Variants in FAM217A observed in about 807,000 individuals in gnomAD.
FAM217A encodes the protein protein FAM217A.
A neutral mutation model predicts 18.5 loss-of-function variants in FAM217A; 13 were observed. The observed-to-expected ratio is 0.70, with a 90% confidence interval of 0.46 to 1.12. The LOEUF is 1.12. FAM217A is among the 50% of genes most tolerant of loss of function. FAM217A has a pLI of 0.00. For missense variants in FAM217A, 560 were observed against 575.4 expected (o/e 0.97, Z 0.27); for synonymous variants, 161 against 202.8 (o/e 0.79, Z 1.75).
rs1770074447 is a variant in FAM217A, at chr6:4,079,054, G to A, written c.-237C>T. The A allele has an allele frequency of 2.7e-6, 1 of 373,774 alleles. No homozygotes were observed. The highest frequency in any genetic ancestry group is 4.8e-6 in the Non-Finnish European group (1 of 209,898). 23.2% of individuals were successfully genotyped at this position (373,774 alleles called of 1,614,324 possible). ...GCAGTGCAGGGCCTGCGAAGCCCGC[G>A]GGCCGGCGCAGGGGTGGGAGTCGGG... On this transcript the variant is annotated 5_prime_UTR_variant, in exon 1 of 7. Transcript: ENST00000274673.
In FAM217A at chr6:4,069,590, T is replaced by G. The variant is rs770965254; in HGVS notation, c.633A>C (p.Thr211=). The change falls in exon 7 of 7, where the codon ACA becomes ACC. Residue 211 remains threonine, a synonymous_variant. Coordinates refer to ENST00000274673, the MANE Select transcript of FAM217A (RefSeq NM_173563.3). The part of the protein sequence containing the change: ...DESDLSENEK[T]NDTLLSYFKK... ...TAAAATAGCTGAGTAAAGTATCATT[T>G]GTCTTCTCATTTTCTGATAAATCAC... 6.2e-7 allele frequency: 1 copy of G among 1,614,160 alleles called. No homozygotes were observed. The highest frequency in any genetic ancestry group is 1.7e-5 in the Admixed American group (1 of 60,018).
At chr6:4,081,276 T>C (rs1770276946), upstream of FAM217A, among the ~76,000 whole-genome samples, 1 of 152,120 alleles carries the variant, frequency 6.6e-6, no homozygotes, top group South Asian at 2.1e-4. Context: ...CCACCAGTTA[T>C]TCCTATTTTA....
Position 4,073,308 on chromosome 6 carries a change from CA to C in FAM217A, c.268del (p.Cys90ValfsTer9), listed in dbSNP as rs745974969. 13 of 1,609,952 alleles carry C rather than the reference CA, an allele frequency of 8.1e-6. No individual in the cohort carries two copies. Among genetic ancestry groups the C allele is most frequent in the Non-Finnish European group, 1.1e-5 (13 of 1,179,030 alleles). On this transcript the variant is annotated frameshift_variant, in exon 6 of 7. Coordinates refer to ENST00000274673, the MANE Select transcript of FAM217A (RefSeq NM_173563.3). LOFTEE classifies it low-confidence loss of function (END_TRUNC). ...TATGGTACTTCCTTCATTAAGAGGA[CA>C]ATTCCATAATTGAAAGATCCCTTGT... ...SKQGIFQLWN[C>X]PLNEGSTIEK...
intron 4 of FAM217A, 66 bp from the exon 5 acceptor site, chr6:4,073,573 T>A: frequency 7.7e-7 from 1 of 1,297,612 alleles, no homozygotes; most frequent in Non-Finnish European, 1.1e-6. Flanking sequence ...TCTAACAATG[T>A]ATAGTTCTTG....
rs1238234462 is a variant in FAM217A at position 4,069,695 on chromosome 6, A to G, written c.528T>C (p.Asn176=). The G allele has an allele frequency of 1.2e-6, 2 of 1,614,122 alleles. No homozygotes were observed. Among genetic ancestry groups the G allele is most frequent in the East Asian group, 4.5e-5 (2 of 44,876 alleles). The change falls in exon 7 of 7, where the codon AAT becomes AAC. Residue 176 remains asparagine, a synonymous_variant. Transcript: ENST00000274673. The part of the protein sequence containing the change: ...HVSSCSTIEN[N]DGETLPAPNW... ...TTGGAGCAGGTAATGTTTCACCATC[A>G]TTGTTTTCTATAGTTGAACATGAAC... is the stretch of plus-strand genomic sequence containing the variant.
At position 4,068,884 on chromosome 6, in the gene FAM217A, T is replaced by C. The variant is rs574472718; in HGVS notation, c.1339A>G (p.Ile447Val). The change falls in exon 7 of 7, where the codon ATA becomes GTA. Residue 447 changes from isoleucine (I) to valine (V), a missense_variant. By Grantham distance (29) the Ile-to-Val change is conservative. Coordinates refer to ENST00000274673, the MANE Select transcript of FAM217A (RefSeq NM_173563.3). ...TGATTTTCGGGAAAAGTCAGAGGTA[T>C]AGGTGAAACTGGCATTGGAGACCTC... is the stretch of plus-strand genomic sequence containing the variant. Reference protein sequence around the residue: ...PWRSPMPVSPIPLTFPENQKE... With the variant: ...PWRSPMPVSPVPLTFPENQKE... 8.1e-6 allele frequency: 13 copies of C among 1,614,168 alleles called. No homozygotes were observed. In the African/African-American group the frequency reaches 9.3e-5, roughly 12 times the overall value.
intron 6 of FAM217A, among the ~76,000 whole-genome samples, chr6:4,071,735 A>C (rs1769427256): frequency 6.6e-6 from 1 of 152,172 alleles, no homozygotes; most frequent in Admixed American, 6.5e-5. Context: ...CCTTTAGGTC[A>C]TCAGTCACCA....
At position 4,077,445 on chromosome 6, in the gene FAM217A, A is replaced by C. The variant is rs747316875; in HGVS notation, c.-31T>G. The C allele has an allele frequency of 7.4e-6, 12 of 1,612,150 alleles. No individual in the cohort carries two copies. In the Admixed American group the frequency reaches 2.0e-4, roughly 27 times the overall value. On this transcript the variant is annotated 5_prime_UTR_variant, in exon 2 of 7. In the 5' UTR this introduces an upstream ATG that the reference lacks. Transcript: ENST00000274673. ...TGTAGCTGTTGCTCTGTTTCCTTAA[A>C]ATCCTACACAGATTGCGGGATAGGC...
chr6:4,068,588 G>T lies in FAM217A; in HGVS notation c.*108C>A. 1 of 1,270,022 alleles carries T rather than the reference G, an allele frequency of 7.9e-7. No individual in the cohort carries two copies. The highest frequency in any genetic ancestry group is 1.1e-6 in the Non-Finnish European group (1 of 926,468). The allele number at this position is 1,270,022 out of a possible 1,614,324, so 78.7% of individuals were successfully genotyped here. On this transcript the variant is annotated 3_prime_UTR_variant, in exon 7 of 7. Transcript: ENST00000274673. ...ATATCACATCAAGCAACTGTTTGGT[G>T]ATTTTGGGGGACTGTTAATAGTACC... is the stretch of plus-strand genomic sequence containing the variant.
At position 4,076,622 on chromosome 6, in the gene FAM217A, T is replaced by G. The variant is rs184958440; in HGVS notation, c.60+733A>C. On this transcript the variant is annotated intron_variant, in intron 2 of 6. Transcript: ENST00000274673. ...GGCCAGGCATGGTAGCTCACACCTG[T>G]AATCCCAGCACTTTGGAAAGCCAAG... 2.7e-3 allele frequency among the ~76,000 whole-genome samples: 404 copies of G among 152,288 alleles called. 1 individual carries two copies. The highest frequency in any genetic ancestry group is 9.3e-3 in the African/African-American group (387 of 41,564).
At chr6:4,071,688 A>G (rs1049477576) in intron 6 of FAM217A, among the ~76,000 whole-genome samples, 2 of 152,148 alleles carry the variant, frequency 1.3e-5, no homozygotes, top group African/African-American at 4.8e-5. Context: ...TTTTTCTCAT[A>G]AAAATAGCCT....
rs569831573 is a variant in FAM217A, at chr6:4,069,375, A to G, written c.848T>C (p.Val283Ala). ...KVTVDPAETS[V>A]EHLITRLLEL... ...CAGTAAACGAGTTATCAAGTGTTCAACAGAGGTTTCTGCAGGGTCCACTGT... is the reference window on the plus strand; with the variant it reads ...CAGTAAACGAGTTATCAAGTGTTCAGCAGAGGTTTCTGCAGGGTCCACTGT... The change falls in exon 7 of 7, where the codon GTT (valine) becomes GCT (alanine). Residue 283 changes from valine (V) to alanine (A), a missense_variant. Val to Ala is a moderately conservative substitution (Grantham distance 64, BLOSUM62 0). Coordinates refer to ENST00000274673, the MANE Select transcript of FAM217A (RefSeq NM_173563.3). 5.3e-5 allele frequency: 86 copies of G among 1,614,052 alleles called. No homozygotes were observed. The highest frequency in any genetic ancestry group is 6.6e-5 in the Non-Finnish European group (78 of 1,180,030).
At position 4,073,360 on chromosome 6, in the gene FAM217A, A is replaced by G; in HGVS notation, c.235-18T>C. Reference sequence around the variant, plus strand: ...TTACTATTCTGATGACAGAAAAATAATGGGTAATAGTTTAGTAGCTGCATA... The same window carrying G: ...TTACTATTCTGATGACAGAAAAATAGTGGGTAATAGTTTAGTAGCTGCATA... On this transcript the variant is annotated intron_variant, in intron 5 of 6. Transcript: ENST00000274673. The G allele has an allele frequency of 6.2e-7, 1 of 1,601,532 alleles. No individual in the cohort carries two copies. Among genetic ancestry groups the G allele is most frequent in the Non-Finnish European group, 8.5e-7 (1 of 1,173,592 alleles).
At chr6:4,081,275 A>G (rs1770276780), upstream of FAM217A, among the ~76,000 whole-genome samples, 1 of 152,050 alleles carries the variant, frequency 6.6e-6, no homozygotes, top group Admixed American at 6.6e-5. Context: ...ACCACCAGTT[A>G]TTCCTATTTT....
intron 2 of FAM217A, among the ~76,000 whole-genome samples, chr6:4,076,986 T>TTA (rs1769842748): frequency 6.6e-6 from 1 of 152,248 alleles, no homozygotes; most frequent in Non-Finnish European, 1.5e-5. Flanking sequence ...TGCAAATTTC[T>TTA]TAAGAGTTGG....
intron 4 of FAM217A, 120 bp downstream of exon 4, chr6:4,074,323 A>T: frequency 1.4e-6 from 1 of 727,462 alleles, no homozygotes. Flanking sequence ...ACTTGTGTGA[A>T]GAACTCTACA....
chr6:4,079,408 G>A (rs1358748215), upstream of FAM217A: 1 of 312,452 alleles, frequency 3.2e-6, no homozygotes, highest in African/African-American at 2.3e-5. Context: ...GGCCGCCCCC[G>A]GCCTCGCGGG....
At chr6:4,083,808 C>T (rs947408763), upstream of FAM217A, among the ~76,000 whole-genome samples, 2 of 152,124 alleles carry the variant, frequency 1.3e-5, no homozygotes, top group South Asian at 2.1e-4. Flanking sequence ...CCCGTGTCGG[C>T]CTCTCAGAGT....
rs562307567 is a variant in FAM217A, at chr6:4,078,892, G to A, written c.-75C>T. 63 of 580,236 alleles carry A rather than the reference G, an allele frequency of 1.1e-4. 1 individual carries two copies. The highest frequency in any genetic ancestry group is 8.2e-4 in the African/African-American group (42 of 51,298). 35.9% of individuals were successfully genotyped at this position (580,236 alleles called of 1,614,324 possible). The stretch of plus-strand genomic sequence containing the variant: ...GTGTCCTCCCCGGCGTGCTCTCCCG[G>A]TGCGCCGCCCCGAGGCCCGAGCGCC... On this transcript the variant is annotated 5_prime_UTR_variant, in exon 1 of 7. Coordinates refer to ENST00000274673, the MANE Select transcript of FAM217A (RefSeq NM_173563.3).
Sources: gnomAD v4.1 joint callset for allele counts (sites outside exome capture counted in the v4.1 genomes callset) on GRCh38, gnomAD v4.1.1 for gene constraint, MANE v1.5 for transcripts, NCBI Gene and HGNC (gene_info 2026-07-23, HGNC 2026-07-21) for gene names.